The following KIF1C variants were observed in gnomAD, a reference collection of about 807,000 sequenced individuals.
The protein encoded by KIF1C is kinesin family member 1C, also known as kinesin-like protein KIF1C.
Under a neutral mutation model 126.5 loss-of-function variants are expected in KIF1C, and 61 were observed. The observed-to-expected ratio is 0.48, with a 90% CI of 0.39 to 0.60. The LOEUF (loss-of-function observed/expected upper bound fraction) is 0.60, where lower values mean the gene tolerates loss of function less well. Among genes scored for constraint, KIF1C ranks in the 20% least tolerant of loss-of-function variants. The pLI, the probability that KIF1C is intolerant of heterozygous loss-of-function variation, is 0.00. For synonymous variants in KIF1C, 640 were observed against 580.6 expected (o/e 1.10, Z -1.47); for missense variants, 1,315 against 1,489.2 (o/e 0.88, Z 1.93).
intron 13 of KIF1C, among the ~76,000 whole-genome samples, chr17:5,005,354 C>T (rs902834791): frequency 1.3e-5 from 2 of 152,194 alleles, no homozygotes; most frequent in African/African-American, 4.8e-5. Context: ...TCTTGCAAAA[C>T]GTCAGAGTTG....
intron 6 of KIF1C, 47 bp downstream of exon 6, chr17:5,002,171 G>A: frequency 1.3e-6 from 2 of 1,541,934 alleles, no homozygotes; most frequent in South Asian, 1.1e-5. Flanking sequence ...CCAGACTGCT[G>A]AGGGCTGTCG....
chr17:5,002,857 C>T lies in KIF1C; in HGVS notation c.720+15C>T, dbSNP rs371887881. 1.3e-6 allele frequency: 2 copies of T among 1,581,112 alleles called. No individual in the cohort carries two copies. Among genetic ancestry groups the T allele is most frequent in the Middle Eastern group, 2.0e-4 (1 of 4,934 alleles). On this transcript the variant is annotated intron_variant, in intron 8 of 22. Coordinates refer to ENST00000320785, the MANE Select transcript of KIF1C (RefSeq NM_006612.6). ...ACTCGGAGAAGGTGGGATCGCCCCC[C>T]CCCCCACTCCCCCACCGGATGCAAC...
Position 5,023,360 on chromosome 17 carries a change from C to T in KIF1C, c.2629-108C>T. 1.1e-6 allele frequency: 1 copy of T among 926,772 alleles called. No individual in the cohort carries two copies. 57.4% of individuals were successfully genotyped at this position (926,772 alleles called of 1,614,324 possible). On this transcript the variant is annotated intron_variant, in intron 22 of 22. Transcript: ENST00000320785. The surrounding 1 kb of genome is among the most constrained non-coding windows in gnomAD (Gnocchi z 4.2). ...CGAGCTTCCTTATCTCTAGGCTTTT[C>T]TCTGGACCCTTTGACATCCAGCCAC...
rs1241100092 is a variant in KIF1C at position 5,022,018 on chromosome 17, G to A, written c.2011-74G>A. The A allele has an allele frequency of 2.0e-6, 3 of 1,482,648 alleles. No homozygotes were observed. Among genetic ancestry groups the A allele is most frequent in the Non-Finnish European group, 2.7e-6 (3 of 1,105,550 alleles). 91.8% of individuals were successfully genotyped at this position (1,482,648 alleles called of 1,614,324 possible). ...GATGGGCGTGTTTCCAGTGTACTTA[G>A]GACACACTGGGCCAAGACACATGGG... is the stretch of plus-strand genomic sequence containing the variant. On this transcript the variant is annotated intron_variant, in intron 21 of 22. Transcript: ENST00000320785. The surrounding 1 kb of genome is among the most constrained non-coding windows in gnomAD (Gnocchi z 4.9).
rs572015575 is a variant in KIF1C at position 5,024,155 on chromosome 17, C to T, written c.*4C>T. The T allele has an allele frequency of 3.8e-6, 6 of 1,599,736 alleles. No homozygotes were observed. In the East Asian group the frequency reaches 1.1e-4, roughly 30 times the overall value. On this transcript the variant is annotated 3_prime_UTR_variant, in exon 23 of 23. Transcript: ENST00000320785. ...GGAGAGTGGGGCAGCTGTGTGAGTC[C>T]CACATCCTGGGCAGAGGGCCTGGTG...
chr17:5,011,272 A>T (rs1489363563), intron 16 of KIF1C, among the ~76,000 whole-genome samples: 4 of 151,918 alleles, frequency 2.6e-5, no homozygotes, highest in Non-Finnish European at 5.9e-5. Flanking sequence ...AGAGGAAAAA[A>T]CTACAGTTTG....
At chr17:5,008,545 A>G (rs564797128) in intron 16 of KIF1C, among the ~76,000 whole-genome samples, 3 of 152,316 alleles carry the variant, frequency 2.0e-5, no homozygotes, top group African/African-American at 7.2e-5. Flanking sequence ...GGAAGAGGTG[A>G]TGGGTTACCA....
chr17:5,011,118 A>G (rs1487563741), intron 16 of KIF1C, among the ~76,000 whole-genome samples: 1 of 152,132 alleles, frequency 6.6e-6, no homozygotes, highest in Non-Finnish European at 1.5e-5. Flanking sequence ...AAGGTAGTTC[A>G]CTTTTACATT....
At position 5,007,041 on chromosome 17, in the gene KIF1C, C is replaced by T. The variant is rs139663513; in HGVS notation, c.1292C>T (p.Thr431Met). The change falls in exon 14 of 23, where the codon ACG (threonine) becomes ATG (methionine). Residue 431 changes from threonine to methionine, a missense_variant. Thr to Met is a moderately conservative substitution (Grantham distance 81). This residue lies in a region of KIF1C where 874 missense variants were observed against 1,053.2 expected (regional missense o/e 0.83). Transcript: ENST00000320785. Reference sequence around the variant, plus strand: ...CTGGAGCCGTCATTCTCCCCCAACACGGAGTCCCAGATTGGGCCTGAGGAA... The same window carrying T: ...CTGGAGCCGTCATTCTCCCCCAACATGGAGTCCCAGATTGGGCCTGAGGAA... ...GELEPSFSPN[T>M]ESQIGPEEAM... is the part of the protein sequence containing the mutation. 188 of 1,607,432 alleles carry T rather than the reference C, an allele frequency of 1.2e-4. 1 individual carries two copies. The Middle Eastern group carries it at 3.5e-3, about 30-fold the overall frequency.
intron 18 of KIF1C, among the ~76,000 whole-genome samples, chr17:5,015,582 CTTTTTTTT>C (rs58961639): frequency 5.6e-5 from 4 of 71,246 alleles, no homozygotes; most frequent in South Asian, 9.8e-4. Flanking sequence ...CTGCCCCCAG[CTTTTTTTT>C]TTTTTTTTTT....
intron 16 of KIF1C, among the ~76,000 whole-genome samples, chr17:5,010,354 T>C (rs949160551): frequency 7.2e-5 from 11 of 152,170 alleles, no homozygotes; most frequent in Non-Finnish European, 1.6e-4. Flanking sequence ...CATTCCTTGA[T>C]ACTACAAAAA....
Position 5,013,560 on chromosome 17 carries a change from G to T in KIF1C, c.1492-93G>T, listed in dbSNP as rs959700353. The T allele has an allele frequency of 1.9e-5, 16 of 857,924 alleles. No homozygotes were observed. The South Asian group carries it at 2.2e-4, about 12-fold the overall frequency. 53.1% of individuals were successfully genotyped at this position (857,924 alleles called of 1,614,324 possible). On this transcript the variant is annotated intron_variant, in intron 16 of 22. Coordinates refer to ENST00000320785, the MANE Select transcript of KIF1C (RefSeq NM_006612.6). Reference sequence around the variant, plus strand: ...GAGGGGGCGCAGCTGGCAGTGCCAGGACTGGAGGGGTGTCTCCTCCCACCG... The same window carrying T: ...GAGGGGGCGCAGCTGGCAGTGCCAGTACTGGAGGGGTGTCTCCTCCCACCG...
chr17:5,000,910 A>T, intron 4 of KIF1C, 62 bp downstream of exon 4: 1 of 1,497,274 alleles, frequency 6.7e-7, no homozygotes, highest in Non-Finnish European at 9.3e-7. Context: ...GGTCCTGGGG[A>T]GGGGACATGT....
rs2018216817 is a variant in KIF1C at position 5,025,999 on chromosome 17, G to A, written c.*1848G>A. On this transcript the variant is annotated 3_prime_UTR_variant, in exon 23 of 23. Coordinates refer to ENST00000320785, the MANE Select transcript of KIF1C (RefSeq NM_006612.6). The stretch of plus-strand genomic sequence containing the variant: ...CATCCTGTTCTCAGGAAAACACTTT[G>A]ACCCACTTGAAGCTCTGAGCTACTG... 6.6e-6 allele frequency: 1 copy of A among 152,116 alleles called. No individual in the cohort carries two copies. Among genetic ancestry groups the A allele is most frequent in the African/African-American group, 2.4e-5 (1 of 41,388 alleles). The allele number at this position is 152,116 out of a possible 1,614,324, so 9.4% of individuals were successfully genotyped here. A position where few individuals can be genotyped will look rare whatever the true frequency, so the allele number is the denominator to read the frequency against.
chr17:5,017,107 G>A (rs1974987133), intron 18 of KIF1C, among the ~76,000 whole-genome samples: 1 of 151,976 alleles, frequency 6.6e-6, no homozygotes, highest in African/African-American at 2.4e-5. Flanking sequence ...TTTGCTGGGG[G>A]AGATATGAAA....
intron 3 of KIF1C, 70 bp downstream of exon 3, chr17:5,000,422 G>C: frequency 9.4e-7 from 1 of 1,068,748 alleles, no homozygotes; most frequent in Non-Finnish European, 1.4e-6. Flanking sequence ...GGCCAGTCCC[G>C]CTGGGCCAAA....
intron 8 of KIF1C, among the ~76,000 whole-genome samples, chr17:5,003,394 G>C (rs1197430279): frequency 1.3e-5 from 2 of 152,096 alleles, no homozygotes; most frequent in African/African-American, 4.8e-5. Flanking sequence ...TGTGTCCCTT[G>C]TCCATGCCTG....
chr17:5,002,094 C>T lies in KIF1C; in HGVS notation c.399C>T (p.Asn133=). Residue 133 remains asparagine (N), a synonymous_variant, in exon 6 of 23, where the codon AAC becomes AAT. Coordinates refer to ENST00000320785, the MANE Select transcript of KIF1C (RefSeq NM_006612.6). ...ACCTCTTCTCTCGCGTTAGTGAGAA[C>T]CAGAGTGCTCAGCTATCCTACTCTG... is the stretch of plus-strand genomic sequence containing the variant. ...CEDLFSRVSE[N]QSAQLSYSVE... is the part of the protein sequence containing the mutation. The T allele has an allele frequency of 6.2e-7, 1 of 1,614,084 alleles. No individual in the cohort carries two copies. Among genetic ancestry groups the T allele is most frequent in the Non-Finnish European group, 8.5e-7 (1 of 1,179,984 alleles).
chr17:5,003,329 G>A (rs1293655673), intron 8 of KIF1C, among the ~76,000 whole-genome samples: 1 of 152,172 alleles, frequency 6.6e-6, no homozygotes, highest in African/African-American at 2.4e-5. Context: ...TTACAGATGT[G>A]AGCCACCACA....
Sources: gnomAD v4.1 joint callset for allele counts (sites outside exome capture counted in the v4.1 genomes callset) on GRCh38, gnomAD v4.1.1 for gene constraint, gnomAD v4.1.1 regional missense constraint, Gnocchi (gnomAD v3.1) non-coding constraint, MANE v1.5 for transcripts, NCBI Gene and HGNC (gene_info 2026-07-23, HGNC 2026-07-21) for gene names.